The following NEMP2 variants were observed in gnomAD, a reference collection of about 807,000 sequenced individuals.
NEMP2 encodes the protein nuclear envelope integral membrane protein 2.
In NEMP2, 53 loss-of-function variants were observed where a neutral mutation model predicts 54.2. The ratio of observed to expected loss-of-function variants is 0.98; its 90% CI spans 0.78 to 1.23. The LOEUF (loss-of-function observed/expected upper bound fraction) is 1.23, where lower values mean the gene tolerates loss of function less well. Among genes scored for constraint, NEMP2 ranks in the 50% most tolerant of loss-of-function variants. The pLI is 0.00. For missense variants in NEMP2, 455 were observed against 511.3 expected (o/e 0.89, Z 1.06); for synonymous variants, 197 against 190.3 (o/e 1.04, Z -0.29).
the NEMP2 span, among the ~76,000 whole-genome samples, chr2:190,539,857 A>G: frequency 6.6e-6 from 1 of 152,300 alleles, no homozygotes; most frequent in South Asian, 2.1e-4. This position sits in a 1 kb window ranked among gnomAD's most constrained non-coding sequence, Gnocchi z 4.1. Context: ...AGATCATGTT[A>G]TCTGCAAATA....
the NEMP2 span, among the ~76,000 whole-genome samples, chr2:190,445,325 TGTTA>T: frequency 4.6e-5 from 7 of 152,178 alleles, no homozygotes; most frequent in East Asian, 9.7e-4. Context: ...GGCATTTGAG[TGTTA>T]GTTCCATTTA....
chr2:190,471,346 G>A, the NEMP2 span, among the ~76,000 whole-genome samples: 1 of 152,204 alleles, frequency 6.6e-6, no homozygotes, highest in Non-Finnish European at 1.5e-5. The surrounding 1 kb of genome is among the most constrained non-coding windows in gnomAD (Gnocchi z 4.7). Context: ...CCTAGCCGAG[G>A]AAAGGGGTGA....
Position 190,534,585 on chromosome 2 carries a change from C to T in NEMP2, c.71G>A (p.Gly24Glu). The change falls in exon 1 of 9, where the codon GGG becomes GAG. Residue 24 changes from glycine to glutamate, a missense_variant. Physicochemically the swap from Gly to Glu is moderately conservative, Grantham distance 98 (BLOSUM62 -2). Around this residue, in one of 3 missense-constraint regions of NEMP2, gnomAD observed 100 missense variants for 80.2 expected, o/e 1.25. Transcript: ENST00000409150. ...TGATAACGCTGCCGCCGCCGCCTCC[C>T]CGCGCACGGGCAGTGTGGCCAGGGG... The part of the protein sequence containing the change: ...LPPLATLPVR[G>E]EAAAAALSVR... 2.9e-6 allele frequency: 4 copies of T among 1,399,144 alleles called. No homozygotes were observed. The highest frequency in any genetic ancestry group is 1.5e-5 in the African/African-American group (1 of 66,300). The allele number at this position is 1,399,144 out of a possible 1,614,324, so 86.7% of individuals were successfully genotyped here.
At chr2:190,434,461 G>T in the NEMP2 span, among the ~76,000 whole-genome samples, 2 of 152,012 alleles carry the variant, frequency 1.3e-5, no homozygotes, top group Admixed American at 6.6e-5. This position sits in a 1 kb window ranked among gnomAD's most constrained non-coding sequence, Gnocchi z 4.3. Context: ...TTTTGAGACG[G>T]AGTCTCGCTC....
chr2:190,444,909 T>C, the NEMP2 span: 4 of 823,946 alleles, frequency 4.9e-6, no homozygotes, highest in Non-Finnish European at 5.9e-6. Flanking sequence ...ATCTTTTTCC[T>C]TGTTTTTGCA....
At position 190,512,203 on chromosome 2, in the gene NEMP2, T is replaced by C. The variant is rs1690391665; in HGVS notation, c.954-1666A>G. ...TTATTCACTATATGAACTTGGGGAA[T>C]TCCTTAACAGTTCAGAGCCTCACTT... On this transcript the variant is annotated intron_variant, in intron 7 of 8. Transcript: ENST00000409150. This position sits in a 1 kb window ranked among gnomAD's most constrained non-coding sequence, Gnocchi z 4.5. Among the ~76,000 whole-genome samples, 1 of 152,072 alleles carries C rather than the reference T, an allele frequency of 6.6e-6. No homozygotes were observed. Among genetic ancestry groups the C allele is most frequent in the South Asian group, 2.1e-4 (1 of 4,822 alleles).
Position 190,533,369 on chromosome 2 carries a change from T to C in NEMP2, c.97+1190A>G, listed in dbSNP as rs1261923621. On this transcript the variant is annotated intron_variant, in intron 1 of 8. Transcript: ENST00000409150. The surrounding 1 kb of genome is among the most constrained non-coding windows in gnomAD (Gnocchi z 4.3). ...ATTTCTTACTACCAAACCTTCGTTT[T>C]CTCATCTGTAAAATGGGTATAAAAT... Among the ~76,000 whole-genome samples, 1 of 152,248 alleles carries C rather than the reference T, an allele frequency of 6.6e-6. No homozygotes were observed. The highest frequency in any genetic ancestry group is 2.4e-5 in the African/African-American group (1 of 41,460).
the NEMP2 span, among the ~76,000 whole-genome samples, chr2:190,642,090 T>C: frequency 6.6e-6 from 1 of 152,234 alleles, no homozygotes. This position sits in a 1 kb window ranked among gnomAD's most constrained non-coding sequence, Gnocchi z 4.1. Context: ...AGAAGTCAAT[T>C]GGATTAGATG....
chr2:190,639,171 C>T, the NEMP2 span, among the ~76,000 whole-genome samples: 8 of 152,212 alleles, frequency 5.3e-5, no homozygotes, highest in East Asian at 1.4e-3. Flanking sequence ...AATATTAACA[C>T]ATTCAATTTT....
chr2:190,543,972 T>G, the NEMP2 span, among the ~76,000 whole-genome samples: 1 of 152,230 alleles, frequency 6.6e-6, no homozygotes, highest in Non-Finnish European at 1.5e-5. The surrounding 1 kb of genome is among the most constrained non-coding windows in gnomAD (Gnocchi z 4.7). Context: ...AGCTTTCACT[T>G]AGCTTTTAGG....
chr2:190,618,708 T>C, the NEMP2 span, among the ~76,000 whole-genome samples: 2 of 152,110 alleles, frequency 1.3e-5, no homozygotes, highest in East Asian at 3.9e-4. Context: ...GCCCCTCAAG[T>C]AGCTAGGACT....
At chr2:190,452,994 GATTGTTCT>G in the NEMP2 span, among the ~76,000 whole-genome samples, 1 of 152,116 alleles carries the variant, frequency 6.6e-6, no homozygotes, top group Non-Finnish European at 1.5e-5. Flanking sequence ...AATGATCAGT[GATTGTTCT>G]AGGGTTGCAG....
the NEMP2 span, among the ~76,000 whole-genome samples, chr2:190,493,083 A>G: frequency 6.6e-6 from 1 of 152,108 alleles, no homozygotes; most frequent in African/African-American, 2.4e-5. Context: ...AAAGATACAG[A>G]ATTGCAGAAT....
At chr2:190,448,212 C>G in the NEMP2 span, among the ~76,000 whole-genome samples, 1 of 152,182 alleles carries the variant, frequency 6.6e-6, no homozygotes, top group East Asian at 1.9e-4. Flanking sequence ...CTGCAAATTC[C>G]ATTACCTAGA....
chr2:190,457,407 T>C, the NEMP2 span, among the ~76,000 whole-genome samples: 1 of 152,190 alleles, frequency 6.6e-6, no homozygotes, highest in African/African-American at 2.4e-5. This position sits in a 1 kb window ranked among gnomAD's most constrained non-coding sequence, Gnocchi z 5.1. Flanking sequence ...TTCTTCCTGT[T>C]GGCCCCCTAC....
At chr2:190,481,518 G>A in the NEMP2 span, among the ~76,000 whole-genome samples, 3 of 152,190 alleles carry the variant, frequency 2.0e-5, no homozygotes, top group African/African-American at 7.2e-5. Flanking sequence ...TTACATGTCA[G>A]CCCTCTGCTG....
chr2:190,453,849 C>G, the NEMP2 span, among the ~76,000 whole-genome samples: 1 of 152,136 alleles, frequency 6.6e-6, no homozygotes, highest in South Asian at 2.1e-4. Context: ...GCAATGTAAA[C>G]TGAGAAAGAA....
At chr2:190,557,657 G>A in the NEMP2 span, among the ~76,000 whole-genome samples, 5 of 152,134 alleles carry the variant, frequency 3.3e-5, no homozygotes, top group Non-Finnish European at 7.3e-5. Context: ...CAAAAAGTGG[G>A]CAAAGGATAT....
the NEMP2 span, among the ~76,000 whole-genome samples, chr2:190,632,677 G>A: frequency 6.6e-6 from 1 of 152,132 alleles, no homozygotes; most frequent in Admixed American, 6.5e-5. The surrounding 1 kb of genome is among the most constrained non-coding windows in gnomAD (Gnocchi z 4.8). Context: ...TTTACCCTGG[G>A]TTTCAGAGAA....
Sources: gnomAD v4.1 joint callset for allele counts (sites outside exome capture counted in the v4.1 genomes callset) on GRCh38, gnomAD v4.1.1 for gene constraint, gnomAD v4.1.1 regional missense constraint, Gnocchi (gnomAD v3.1) non-coding constraint, MANE v1.5 for transcripts, NCBI Gene and HGNC (gene_info 2026-07-23, HGNC 2026-07-21) for gene names.